Variants in MAD1L1 observed in about 807,000 individuals in gnomAD.
MAD1L1 encodes the protein mitotic spindle assembly checkpoint protein MAD1.
MAD1L1 carries 95 observed loss-of-function variants against 96.9 expected under a neutral mutation model. The observed-to-expected ratio is 0.98, with a 90% CI of 0.83 to 1.16. The LOEUF (loss-of-function observed/expected upper bound fraction) is 1.16. MAD1L1 is among the 50% of genes most tolerant of loss of function. The pLI, the probability that MAD1L1 is intolerant of heterozygous loss-of-function variation, is 0.00. For missense variants in MAD1L1, 1,007 were observed against 954.4 expected, an observed-to-expected ratio of 1.06 and a Z score of -0.73; for synonymous variants, 473 against 396.6, an observed-to-expected ratio of 1.19 and a Z score of -2.29.
At chr7:2,220,449 G>C (rs1793539437) in intron 5 of MAD1L1, among the ~76,000 whole-genome samples, 1 of 152,214 alleles carries the variant, frequency 6.6e-6, no homozygotes, top group African/African-American at 2.4e-5. Context: ...CGTGGGTCGA[G>C]CCAATGTGAA....
chr7:2,226,171 G>A (rs1232633567), intron 3 of MAD1L1, among the ~76,000 whole-genome samples: 1 of 152,200 alleles, frequency 6.6e-6, no homozygotes, highest in East Asian at 1.9e-4. Context: ...ACCAGGGAGT[G>A]GATCAAGCCC....
At chr7:2,166,666 C>T (rs962613304) in intron 10 of MAD1L1, among the ~76,000 whole-genome samples, 1 of 152,218 alleles carries the variant, frequency 6.6e-6, no homozygotes, top group African/African-American at 2.4e-5. Context: ...GGGATGCAAC[C>T]ACACACAAGC....
chr7:2,046,395 GCCC>G, intron 12 of MAD1L1, among the ~76,000 whole-genome samples: 1 of 152,264 alleles, frequency 6.6e-6, no homozygotes, highest in African/African-American at 2.4e-5. Flanking sequence ...CTCCTCCCAG[GCCC>G]GGCGCCCGTG....
intron 15 of MAD1L1, among the ~76,000 whole-genome samples, chr7:1,979,228 C>T (rs1030403351): frequency 1.3e-5 from 2 of 152,174 alleles, no homozygotes; most frequent in African/African-American, 4.8e-5. Context: ...GGTGCTCTCT[C>T]CCCACTGCCA....
intron 17 of MAD1L1, among the ~76,000 whole-genome samples, chr7:1,909,120 G>T (rs35582663): frequency 6.6e-6 from 1 of 152,118 alleles, no homozygotes; most frequent in South Asian, 2.1e-4. Context: ...GAAGGAGCCC[G>T]ACACCGGCGT....
At chr7:2,078,097 C>G (rs1367695697) in intron 11 of MAD1L1, among the ~76,000 whole-genome samples, 1 of 152,170 alleles carries the variant, frequency 6.6e-6, no homozygotes, top group Non-Finnish European at 1.5e-5. Flanking sequence ...GCCGTCTCTG[C>G]CATCGAAGCC....
chr7:1,826,999 C>T (rs1055049213), intron 18 of MAD1L1, among the ~76,000 whole-genome samples: 5 of 152,224 alleles, frequency 3.3e-5, no homozygotes, highest in African/African-American at 9.6e-5. Context: ...AGCTCCCCCT[C>T]GCACACGGGC....
At position 1,883,647 on chromosome 7, in the gene MAD1L1, A is replaced by G. The variant is rs576063100; in HGVS notation, c.1998+14553T>C. ...CACACAAAACACTTCTGCCCTGTCCAGGGCGGCAAAGAGGGTACCGTGGCT... is the reference window on the plus strand; with the variant it reads ...CACACAAAACACTTCTGCCCTGTCCGGGGCGGCAAAGAGGGTACCGTGGCT... On this transcript the variant is annotated intron_variant, in intron 18 of 18. Coordinates refer to ENST00000265854, the MANE Select transcript of MAD1L1 (RefSeq NM_001013836.2). Among the ~76,000 whole-genome samples, 16 of 152,324 alleles carry G rather than the reference A, an allele frequency of 1.1e-4. 1 individual carries two copies. The East Asian group carries it at 2.9e-3, about 28-fold the overall frequency.
intron 6 of MAD1L1, 44 bp downstream of exon 6, chr7:2,219,288 C>G: frequency 1.3e-6 from 2 of 1,523,848 alleles, no homozygotes; most frequent in East Asian, 2.5e-5. Flanking sequence ...CGCATGCCCC[C>G]ACACGTGACC....
At chr7:2,104,554 C>T (rs1275833376) in intron 11 of MAD1L1, among the ~76,000 whole-genome samples, 1 of 152,234 alleles carries the variant, frequency 6.6e-6, no homozygotes, top group Non-Finnish European at 1.5e-5. Context: ...GAATGAAATG[C>T]CAGCAACTAC....
chr7:1,941,919 T>C (rs960309127), intron 16 of MAD1L1, among the ~76,000 whole-genome samples: 1 of 152,124 alleles, frequency 6.6e-6, no homozygotes, highest in Non-Finnish European at 1.5e-5. Context: ...CACCTAGTCG[T>C]CTTTCTGTAA....
rs1361985047 is a variant in MAD1L1 at position 2,105,936 on chromosome 7, G to A, written c.1074-36598C>T. 4.6e-5 allele frequency among the ~76,000 whole-genome samples: 7 copies of A among 151,536 alleles called. No homozygotes were observed. The South Asian group carries it at 1.5e-3, about 32-fold the overall frequency. ...CACAGTCCCAGAGCCCTATCCAGCT[G>A]CGGCCCCACAACCAAAGGGCACCAA... is the stretch of plus-strand genomic sequence containing the variant. On this transcript the variant is annotated intron_variant, in intron 11 of 18. Coordinates refer to ENST00000265854, the MANE Select transcript of MAD1L1 (RefSeq NM_001013836.2).
At chr7:2,004,609 C>T (rs1359758456) in intron 13 of MAD1L1, among the ~76,000 whole-genome samples, 2 of 152,216 alleles carry the variant, frequency 1.3e-5, no homozygotes, top group Non-Finnish European at 1.5e-5. Context: ...GCCGTGACCA[C>T]GGTGGCCAGC....
At chr7:1,938,991 A>ACACACACG (rs1207197037) in intron 16 of MAD1L1, among the ~76,000 whole-genome samples, 1 of 122,232 alleles carries the variant, frequency 8.2e-6, no homozygotes, top group East Asian at 2.7e-4. Context: ...CCAGAGGCGC[A>ACACACACG]CACACACGCA....
At chr7:2,082,337 G>A (rs1785695825) in intron 11 of MAD1L1, among the ~76,000 whole-genome samples, 2 of 152,242 alleles carry the variant, frequency 1.3e-5, no homozygotes, top group Admixed American at 6.5e-5. Flanking sequence ...GGAGGGAGAA[G>A]GGAGAGAGCG....
At chr7:1,938,749 C>T (rs1360228128) in intron 16 of MAD1L1, among the ~76,000 whole-genome samples, 2 of 128,656 alleles carry the variant, frequency 1.6e-5, no homozygotes, top group Non-Finnish European at 1.6e-5. Context: ...CGCGCACGCA[C>T]ACACACACAC....
chr7:2,203,162 G>C (rs1303232946), intron 10 of MAD1L1, among the ~76,000 whole-genome samples: 1 of 152,248 alleles, frequency 6.6e-6, no homozygotes, highest in East Asian at 1.9e-4. Flanking sequence ...CAGGCAAGGA[G>C]CCAAAAACAG....
chr7:2,131,863 C>T (rs529029368), intron 11 of MAD1L1, among the ~76,000 whole-genome samples: 1 of 152,206 alleles, frequency 6.6e-6, no homozygotes, highest in Non-Finnish European at 1.5e-5. Context: ...TTCCTTCTTT[C>T]GGCAACTGGC....
At chr7:1,898,041 G>A (rs1786994702) in intron 18 of MAD1L1, 159 bp downstream of exon 18, 3 of 749,448 alleles carry the variant, frequency 4.0e-6, no homozygotes, top group South Asian at 1.7e-5. Flanking sequence ...AGCCTCAGGG[G>A]GTGACGAGGA....
Sources: allele counts gnomAD v4.1 joint callset (sites outside exome capture counted in the v4.1 genomes callset), GRCh38; gene constraint gnomAD v4.1.1; transcripts MANE v1.5; gene names NCBI Gene and HGNC (gene_info 2026-07-23, HGNC 2026-07-21).